SLAMF9: variants seen among roughly 807,000 people sequenced by gnomAD.
SLAMF9 encodes the protein SLAM family member 9.
A neutral mutation model predicts 30.4 loss-of-function variants in SLAMF9; 25 were observed. That is an observed-to-expected ratio of 0.82 (90% confidence interval 0.60 to 1.15). The LOEUF (loss-of-function observed/expected upper bound fraction) is 1.15, where lower values mean the gene tolerates loss of function less well. SLAMF9 is among the 50% of genes most tolerant of loss of function. The probability of loss-of-function intolerance (pLI) is 0.00; values close to 1 mark genes in which losing one functional copy is unlikely to be tolerated. For missense variants in SLAMF9, 344 were observed against 346.1 expected, an observed-to-expected ratio of 0.99 and a Z score of 0.05; for synonymous variants, 129 against 127.2, an observed-to-expected ratio of 1.01 and a Z score of -0.09.
chr1:159,968,603 G>A, the SLAMF9 span, among the ~76,000 whole-genome samples: 2 of 152,160 alleles, frequency 1.3e-5, no homozygotes, highest in African/African-American at 2.4e-5. Flanking sequence ...CTGGGATTCT[G>A]ACCTTGAACA....
the SLAMF9 span, among the ~76,000 whole-genome samples, chr1:159,975,267 G>A: frequency 6.6e-6 from 1 of 152,188 alleles, no homozygotes; most frequent in African/African-American, 2.4e-5. Context: ...CGAAAAAAGA[G>A]ATAAAGTGTG....
the SLAMF9 span, among the ~76,000 whole-genome samples, chr1:159,960,203 C>A: frequency 8.1e-6 from 1 of 123,664 alleles, no homozygotes; most frequent in African/African-American, 3.1e-5. Flanking sequence ...GTGTGATGTT[C>A]CCCATCCTGT....
At chr1:159,956,312 T>G (rs1196586259), upstream of SLAMF9, among the ~76,000 whole-genome samples, 1 of 151,916 alleles carries the variant, frequency 6.6e-6, no homozygotes, top group Non-Finnish European at 1.5e-5. Flanking sequence ...CAAAAAAAAT[T>G]TTTAAACATG....
At chr1:159,952,611 G>T in intron 2 of SLAMF9, 77 bp from the exon 3 acceptor site, 1 of 1,497,806 alleles carries the variant, frequency 6.7e-7, no homozygotes, top group Non-Finnish European at 9.1e-7. Context: ...TCAAACCTGG[G>T]GTACTAATGC....
At chr1:159,966,440 C>T in the SLAMF9 span, among the ~76,000 whole-genome samples, 1 of 152,132 alleles carries the variant, frequency 6.6e-6, no homozygotes, top group Non-Finnish European at 1.5e-5. Flanking sequence ...AAGGGATATC[C>T]TTTCAACACA....
At chr1:159,952,240 G>A (rs1191680331) in intron 3 of SLAMF9, 22 bp downstream of exon 3, 1 of 1,612,502 alleles carries the variant, frequency 6.2e-7, no homozygotes, top group South Asian at 1.1e-5. Context: ...GAGCTCAGGG[G>A]GTGTCTCAGG....
chr1:159,979,239 T>C, the SLAMF9 span, among the ~76,000 whole-genome samples: 17 of 152,302 alleles, frequency 1.1e-4, no homozygotes, highest in African/African-American at 2.9e-4. Flanking sequence ...TTTGAGTTGT[T>C]TTGGGAAAGC....
upstream of SLAMF9, among the ~76,000 whole-genome samples, chr1:159,956,528 T>C (rs1285530596): frequency 6.6e-6 from 1 of 151,872 alleles, no homozygotes; most frequent in Non-Finnish European, 1.5e-5. Flanking sequence ...AAAACTGCCC[T>C]TAACAGAAAA....
At chr1:159,958,149 G>A (rs1651966671), upstream of SLAMF9, among the ~76,000 whole-genome samples, 1 of 152,200 alleles carries the variant, frequency 6.6e-6, no homozygotes, top group South Asian at 2.1e-4. Context: ...CACAGCCATG[G>A]GCTGGGGCTG....
chr1:159,952,614 A>G, intron 2 of SLAMF9, 80 bp from the exon 3 acceptor site: 2 of 1,466,004 alleles, frequency 1.4e-6, no homozygotes, highest in African/African-American at 1.4e-5. Flanking sequence ...AACCTGGGGT[A>G]CTAATGCTAC....
In SLAMF9 at chr1:159,953,640, T is replaced by C. The variant is rs1413405065; in HGVS notation, c.60A>G (p.Arg20=). ...LLLLQEGSQR[R]LWRWCGSEEV... is the part of the protein sequence containing the mutation. ...CCTCGGATCCACACCATCTCCAGAG[T>C]CTCCTTTGGCTGCCTATGCAGGAAG... Residue 20 remains arginine, a synonymous_variant, in exon 2 of 4, where the codon AGA becomes AGG. Transcript: ENST00000368093. The C allele has an allele frequency of 6.2e-7, 1 of 1,602,754 alleles. No homozygotes were observed. The highest frequency in any genetic ancestry group is 8.5e-7 in the Non-Finnish European group (1 of 1,171,992).
chr1:159,959,272 C>G, the SLAMF9 span, among the ~76,000 whole-genome samples: 1 of 152,062 alleles, frequency 6.6e-6, no homozygotes, highest in African/African-American at 2.4e-5. Context: ...TTAAGTTTCT[C>G]TCTTACCACT....
At chr1:159,978,197 A>C in the SLAMF9 span, among the ~76,000 whole-genome samples, 1 of 152,028 alleles carries the variant, frequency 6.6e-6, no homozygotes, top group Non-Finnish European at 1.5e-5. Flanking sequence ...AGGAGGAACA[A>C]GACAAAAGGG....
chr1:159,979,350 C>T, the SLAMF9 span, among the ~76,000 whole-genome samples: 3 of 152,162 alleles, frequency 2.0e-5, no homozygotes, highest in Non-Finnish European at 4.4e-5. Context: ...TTTTAATATG[C>T]AAACACTGGT....
chr1:159,952,606 C>G, intron 2 of SLAMF9, 72 bp from the exon 3 acceptor site: 2 of 1,532,798 alleles, frequency 1.3e-6, no homozygotes, highest in Non-Finnish European at 1.8e-6. Context: ...GCTCCTCAAA[C>G]CTGGGGTACT....
At chr1:159,977,835 C>G in the SLAMF9 span, among the ~76,000 whole-genome samples, 6 of 152,242 alleles carry the variant, frequency 3.9e-5, no homozygotes, top group Non-Finnish European at 4.4e-5. Flanking sequence ...CAGAATGGGA[C>G]ATGAACATAG....
the SLAMF9 span, among the ~76,000 whole-genome samples, chr1:159,976,147 T>C: frequency 2.0e-5 from 3 of 151,750 alleles, no homozygotes; most frequent in African/African-American, 7.3e-5. Context: ...CTGTTGCTTT[T>C]TATATATAAA....
the SLAMF9 span, chr1:159,973,247 G>C: frequency 9.7e-6 from 9 of 924,696 alleles, no homozygotes; most frequent in Non-Finnish European, 1.6e-5. Flanking sequence ...GCTCAGGAGT[G>C]GGGGCGACAC....
the SLAMF9 span, among the ~76,000 whole-genome samples, chr1:159,975,682 G>T: frequency 4.6e-5 from 7 of 152,160 alleles, no homozygotes; most frequent in African/African-American, 1.4e-4. Flanking sequence ...TATTGCAATT[G>T]CCTGGGCAAG....
Sources: allele counts gnomAD v4.1 joint callset (sites outside exome capture counted in the v4.1 genomes callset), GRCh38; gene constraint gnomAD v4.1.1; transcripts MANE v1.5; gene names NCBI Gene and HGNC (gene_info 2026-07-23, HGNC 2026-07-21).